Variants in GABRG3 observed in about 807,000 individuals in gnomAD.
GABRG3 encodes gamma-aminobutyric acid type A receptor subunit gamma3.
Under a neutral mutation model 48.8 loss-of-function variants are expected in GABRG3, and 25 were observed. The observed-to-expected ratio is 0.51, with a 90% CI of 0.37 to 0.72. The LOEUF is 0.72. Among genes scored for constraint, GABRG3 ranks in the 30% least tolerant of loss-of-function variants. The pLI, the probability that GABRG3 is intolerant of heterozygous loss-of-function variation, is 0.00. For synonymous variants in GABRG3, 227 were observed against 217.6 expected (o/e 1.04, Z -0.38); for missense variants, 394 against 577.9 (o/e 0.68, Z 3.26).
At chr15:27,288,237 T>C (rs1260555926) in intron 3 of GABRG3, among the ~76,000 whole-genome samples, 1 of 151,684 alleles carries the variant, frequency 6.6e-6, no homozygotes, top group Non-Finnish European at 1.5e-5. Flanking sequence ...TGGAAGACAG[T>C]TTTTCCACAG....
intron 5 of GABRG3, among the ~76,000 whole-genome samples, chr15:27,468,318 G>A (rs1277628761): frequency 6.6e-6 from 1 of 152,124 alleles, no homozygotes; most frequent in Non-Finnish European, 1.5e-5. Flanking sequence ...ACCAAGTGGT[G>A]GAATATTCCT....
intron 6 of GABRG3, among the ~76,000 whole-genome samples, chr15:27,485,058 AGC>A (rs1890188367): frequency 6.6e-6 from 1 of 152,174 alleles, no homozygotes; most frequent in Non-Finnish European, 1.5e-5. Context: ...TCTTCCAAAG[AGC>A]GCAGGAGGAG....
At chr15:27,482,771 C>T (rs898813486) in intron 6 of GABRG3, among the ~76,000 whole-genome samples, 4 of 152,200 alleles carry the variant, frequency 2.6e-5, no homozygotes, top group African/African-American at 9.7e-5. Flanking sequence ...GGGAACTTAT[C>T]TGTGAAATGG....
rs550941152 is a variant in GABRG3 at position 27,540,022 on chromosome 15, A to G, written c.*7141A>G. 5 of 152,350 alleles carry G rather than the reference A, an allele frequency of 3.3e-5. No homozygotes were observed. Among genetic ancestry groups the G allele is most frequent in the Admixed American group, 2.6e-4 (4 of 15,308 alleles). The allele number at this position is 152,350 out of a possible 1,614,324, so 9.4% of individuals were successfully genotyped here. On this transcript the variant is annotated 3_prime_UTR_variant, in exon 10 of 10. Transcript: ENST00000615808. Reference sequence around the variant, plus strand: ...CTACTAGTACTCAGCTATTGATTCAACACAAAGGCTTAGAGCCTTTTCTGA... The same window carrying G: ...CTACTAGTACTCAGCTATTGATTCAGCACAAAGGCTTAGAGCCTTTTCTGA...
intron 3 of GABRG3, among the ~76,000 whole-genome samples, chr15:27,110,922 T>C (rs866240632): frequency 2.0e-5 from 3 of 152,208 alleles, no homozygotes; most frequent in South Asian, 2.1e-4. Flanking sequence ...TATCTGTGAT[T>C]TGGTGTCTGT....
At position 27,036,173 on chromosome 15, in the gene GABRG3, A is replaced by C. The variant is rs570267291; in HGVS notation, c.270+9352A>C. On this transcript the variant is annotated intron_variant, in intron 3 of 9. Transcript: ENST00000615808. ...TGCACACTGTTATTTCAAATTGTGG[A>C]CAGTTTTATAAAGAAATTAAACTCC... 4.1e-3 allele frequency among the ~76,000 whole-genome samples: 625 copies of C among 152,306 alleles called. 5 individuals are homozygous for C. The highest frequency in any genetic ancestry group is 7.0e-3 in the Non-Finnish European group (479 of 68,026).
At chr15:27,520,486 T>C (rs1304848991) in intron 7 of GABRG3, among the ~76,000 whole-genome samples, 1 of 151,186 alleles carries the variant, frequency 6.6e-6, no homozygotes, top group Non-Finnish European at 1.5e-5. Context: ...CTCTGAGGAC[T>C]GAAGACATAG....
rs1485628117 is a variant in GABRG3 at position 26,976,300 on chromosome 15, T to TA, written c.54-701dup. Among the ~76,000 whole-genome samples the TA allele has an allele frequency of 2.5e-4, 38 of 152,166 alleles. 1 individual carries two copies. The highest frequency in any genetic ancestry group is 2.2e-3 in the Admixed American group (33 of 15,276). ...CTAAGAAGTCAGAATGTTGAAGACTTATTAGAAAGCTTAGTTCTTCATGTC... is the reference window on the plus strand; with the variant it reads ...CTAAGAAGTCAGAATGTTGAAGACTTAATTAGAAAGCTTAGTTCTTCATGTC... On this transcript the variant is annotated intron_variant, in intron 1 of 9. Coordinates refer to ENST00000615808, the MANE Select transcript of GABRG3 (RefSeq NM_033223.5). The surrounding 1 kb of genome is among the most constrained non-coding windows in gnomAD (Gnocchi z 7.8).
chr15:27,478,640 C>G (rs1028427176), intron 5 of GABRG3, among the ~76,000 whole-genome samples: 4 of 152,134 alleles, frequency 2.6e-5, no homozygotes, highest in Admixed American at 6.5e-5. Flanking sequence ...CAATTCTACT[C>G]CTAGGTGTAT....
At chr15:27,131,294 A>G (rs376169122) in intron 3 of GABRG3, among the ~76,000 whole-genome samples, 3 of 152,062 alleles carry the variant, frequency 2.0e-5, no homozygotes. Context: ...TGAGATGATC[A>G]TGTGCTTTTT....
At chr15:27,337,717 T>G (rs1894022416) in intron 5 of GABRG3, among the ~76,000 whole-genome samples, 3 of 152,198 alleles carry the variant, frequency 2.0e-5, no homozygotes, top group Admixed American at 2.0e-4. Flanking sequence ...TTATACATGC[T>G]CTGCACTCTC....
intron 3 of GABRG3, among the ~76,000 whole-genome samples, chr15:27,231,680 A>G (rs761315979): frequency 4.6e-5 from 7 of 152,212 alleles, no homozygotes; most frequent in Non-Finnish European, 2.9e-5. Flanking sequence ...CTGGCTGTGG[A>G]ATTGAAAATA....
intron 3 of GABRG3, among the ~76,000 whole-genome samples, chr15:27,295,866 C>T (rs1454148443): frequency 6.6e-6 from 1 of 152,148 alleles, no homozygotes; most frequent in East Asian, 1.9e-4. Context: ...TTCAAAGGAG[C>T]TGGGGTGGGG....
chr15:27,273,095 C>T (rs1292435580), intron 3 of GABRG3, among the ~76,000 whole-genome samples: 1 of 151,876 alleles, frequency 6.6e-6, no homozygotes, highest in Non-Finnish European at 1.5e-5. Context: ...GACTCTTATT[C>T]TACAATGATA....
At chr15:27,363,363 C>T (rs1187724910) in intron 5 of GABRG3, 2 of 151,988 alleles carry the variant, frequency 1.3e-5, no homozygotes, top group Admixed American at 6.6e-5. Flanking sequence ...CAGCTGGCCA[C>T]AGGAATCATG....
At chr15:27,403,292 G>T (rs1887527406) in intron 5 of GABRG3, among the ~76,000 whole-genome samples, 1 of 152,110 alleles carries the variant, frequency 6.6e-6, no homozygotes, top group Admixed American at 6.5e-5. Context: ...TTTTACCAAA[G>T]AGCCAGGCAT....
chr15:27,461,008 C>T (rs937946424), intron 5 of GABRG3, among the ~76,000 whole-genome samples: 2 of 152,204 alleles, frequency 1.3e-5, no homozygotes, highest in Admixed American at 6.5e-5. Flanking sequence ...CGTTCCTGTA[C>T]ATCTGTTTGC....
At chr15:27,168,894 G>A (rs1312691990) in intron 3 of GABRG3, among the ~76,000 whole-genome samples, 3 of 152,210 alleles carry the variant, frequency 2.0e-5, no homozygotes, top group African/African-American at 7.2e-5. Context: ...AACCATTCTA[G>A]CCAAGTTCTT....
intron 5 of GABRG3, among the ~76,000 whole-genome samples, chr15:27,406,452 A>G (rs1365006589): frequency 6.6e-6 from 1 of 152,198 alleles, no homozygotes; most frequent in East Asian, 1.9e-4. Flanking sequence ...CTCACCAGTG[A>G]TGAGCCATGT....
Sources: gnomAD v4.1 joint callset for allele counts (sites outside exome capture counted in the v4.1 genomes callset) on GRCh38, gnomAD v4.1.1 for gene constraint, Gnocchi (gnomAD v3.1) non-coding constraint, MANE v1.5 for transcripts, NCBI Gene and HGNC (gene_info 2026-07-23, HGNC 2026-07-21) for gene names.